TACC2: variants seen among roughly 807,000 people sequenced by gnomAD.
TACC2 encodes the protein transforming acidic coiled-coil-containing protein 2.
In TACC2, 137 loss-of-function variants were observed where a neutral mutation model predicts 227.3. The observed-to-expected ratio is 0.60, with a 90% CI of 0.52 to 0.69. The LOEUF (loss-of-function observed/expected upper bound fraction) is 0.69. TACC2 is among the 30% of genes least tolerant of loss of function. The pLI, the probability that TACC2 is intolerant of heterozygous loss-of-function variation, is 0.00. For synonymous variants in TACC2, 1,523 were observed against 1,487.5 expected, an observed-to-expected ratio of 1.02 and a Z score of -0.55; for missense variants, 3,470 against 3,694.4, an observed-to-expected ratio of 0.94 and a Z score of 1.57.
intron 5 of TACC2, among the ~76,000 whole-genome samples, chr10:122,128,147 G>T (rs1483966744): frequency 6.6e-6 from 1 of 152,098 alleles, no homozygotes; most frequent in Non-Finnish European, 1.5e-5. Flanking sequence ...TGATCAAGTA[G>T]TCTGGCGCTT....
At chr10:122,168,595 T>C (rs1216782386) in intron 7 of TACC2, among the ~76,000 whole-genome samples, 1 of 152,160 alleles carries the variant, frequency 6.6e-6, no homozygotes, top group African/African-American at 2.4e-5. Context: ...TCCAGGTAGC[T>C]ACCAATCATC....
intron 5 of TACC2, among the ~76,000 whole-genome samples, chr10:122,117,226 C>T (rs1017853177): frequency 2.1e-5 from 3 of 144,582 alleles, no homozygotes; most frequent in Non-Finnish European, 3.0e-5. Context: ...GACAGAGTCT[C>T]GCTCTGTCAC....
intron 5 of TACC2, among the ~76,000 whole-genome samples, chr10:122,093,100 T>C (rs5788536): frequency 1.0e-3 from 142 of 136,632 alleles, no homozygotes; most frequent in African/African-American, 2.9e-3. Context: ...TCTCTCTCTT[T>C]TTTTTTTTTT....
In TACC2 at chr10:122,008,876, C is replaced by T. The variant is rs527442110; in HGVS notation, c.-45-13061C>T. Among the ~76,000 whole-genome samples the T allele has an allele frequency of 2.0e-5, 3 of 152,300 alleles. No individual in the cohort carries two copies. The South Asian group carries it at 6.2e-4, about 32-fold the overall frequency. ...GCATGAGCCACCATGCCCAGCCGTACATATCCCTTTAAATTCCATGTGCTT... is the reference window on the plus strand; with the variant it reads ...GCATGAGCCACCATGCCCAGCCGTATATATCCCTTTAAATTCCATGTGCTT... On this transcript the variant is annotated intron_variant, in intron 1 of 22. Transcript: ENST00000369005.
chr10:122,034,668 A>C lies in TACC2; in HGVS notation c.33+12654A>C, dbSNP rs535974363. Among the ~76,000 whole-genome samples the C allele has an allele frequency of 4.4e-4, 67 of 152,306 alleles. 1 individual carries two copies. The South Asian group carries it at 0.014, about 31-fold the overall frequency. On this transcript the variant is annotated intron_variant, in intron 2 of 22. Coordinates refer to ENST00000369005, the MANE Select transcript of TACC2 (RefSeq NM_206862.4). ...GTTTTGGGGCCGGGCGCAGTGGCTC[A>C]CGCCTGTAATCTCAGCACTTTGGGA...
intron 1 of TACC2, among the ~76,000 whole-genome samples, chr10:122,006,355 A>C (rs915960623): frequency 6.6e-6 from 1 of 152,248 alleles, no homozygotes; most frequent in East Asian, 1.9e-4. Context: ...AGGCTGAGGC[A>C]GGAGAATGGT....
intron 5 of TACC2, among the ~76,000 whole-genome samples, chr10:122,095,680 G>A (rs897466696): frequency 2.6e-5 from 4 of 152,156 alleles, no homozygotes; most frequent in South Asian, 2.1e-4. Context: ...CGTTCAGAAC[G>A]CTGATCATTC....
chr10:122,014,241 G>C (rs201733609), intron 1 of TACC2, among the ~76,000 whole-genome samples: 1 of 78,062 alleles, frequency 1.3e-5, no homozygotes, highest in Non-Finnish European at 2.7e-5. Context: ...TTTTTTTTTT[G>C]AGTTTTGCTC....
In TACC2 at chr10:122,180,647, G is replaced by A. The variant is rs140731270; in HGVS notation, c.5835-14393G>A. Among the ~76,000 whole-genome samples the A allele has an allele frequency of 3.2e-4, 49 of 150,868 alleles. No individual in the cohort carries two copies. Among genetic ancestry groups the A allele is most frequent in the African/African-American group, 1.0e-3 (43 of 41,168 alleles). On this transcript the variant is annotated intron_variant, in intron 7 of 22. Coordinates refer to ENST00000369005, the MANE Select transcript of TACC2 (RefSeq NM_206862.4). The surrounding 1 kb of genome is among the most constrained non-coding windows in gnomAD (Gnocchi z 4.5). Reference sequence around the variant, plus strand: ...GCCACCGCACCCGGCCTCTTCCCTCGAGTTCTAATGACTGACTCTTTTTTC... The same window carrying A: ...GCCACCGCACCCGGCCTCTTCCCTCAAGTTCTAATGACTGACTCTTTTTTC...
At position 122,126,316 on chromosome 10, in the gene TACC2, C is replaced by CTGTGTG. The variant is rs3037067; in HGVS notation, c.5574-6267_5574-6262dup. On this transcript the variant is annotated intron_variant, in intron 5 of 22. Coordinates refer to ENST00000369005, the MANE Select transcript of TACC2 (RefSeq NM_206862.4). ...TTATTCCATGGGTTATAATCCAGAA[C>CTGTGTG]TGTGTGTGTGTGTGTGTGTGTGTGT... Among the ~76,000 whole-genome samples the CTGTGTG allele has an allele frequency of 7.8e-4, 111 of 142,132 alleles. 2 individuals carry two copies. Among genetic ancestry groups the CTGTGTG allele is most frequent in the South Asian group, 1.9e-3 (8 of 4,104 alleles). 93.2% of individuals were successfully genotyped at this position (142,132 alleles called of 152,430 possible).
chr10:122,175,693 ACTGT>A (rs2093663226), intron 7 of TACC2, among the ~76,000 whole-genome samples: 1 of 152,194 alleles, frequency 6.6e-6, no homozygotes. Context: ...TTTCCTGGAG[ACTGT>A]CTGAATTGTC....
At chr10:122,219,238 C>T (rs1267140159) in intron 11 of TACC2, among the ~76,000 whole-genome samples, 1 of 151,956 alleles carries the variant, frequency 6.6e-6, no homozygotes, top group African/African-American at 2.4e-5. Flanking sequence ...GCACTCCCCC[C>T]ACCTCATCCC....
intron 2 of TACC2, chr10:122,033,242 AT>A: frequency 1.2e-6 from 1 of 868,756 alleles, no homozygotes; most frequent in Non-Finnish European, 1.6e-6. Context: ...TGTCATGTGC[AT>A]TTATATATTT....
intron 8 of TACC2, among the ~76,000 whole-genome samples, chr10:122,204,280 A>G (rs994654325): frequency 6.6e-6 from 1 of 152,150 alleles, no homozygotes; most frequent in South Asian, 2.1e-4. Context: ...ATGCCTGCTT[A>G]TAAAGGATGA....
chr10:122,250,911 CTTTTTTTTTTT>C (rs56383359), intron 22 of TACC2, among the ~76,000 whole-genome samples: 9 of 47,508 alleles, frequency 1.9e-4, no homozygotes, highest in African/African-American at 6.3e-4. Context: ...TATTTTCATT[CTTTTTTTTTTT>C]TTTTTTTTTT....
At chr10:122,115,559 C>T (rs1338212035) in intron 5 of TACC2, among the ~76,000 whole-genome samples, 1 of 152,120 alleles carries the variant, frequency 6.6e-6, no homozygotes, top group East Asian at 1.9e-4. Context: ...TTGCCTCACC[C>T]CAATGCCAAT....
intron 1 of TACC2, among the ~76,000 whole-genome samples, chr10:122,016,062 A>G (rs900639975): frequency 1.3e-5 from 2 of 151,464 alleles, no homozygotes; most frequent in East Asian, 3.9e-4. Context: ...GGAATTGGAG[A>G]CCAGCCTGGG....
rs775214113 is a variant in TACC2 at position 122,205,758 on chromosome 10, C to T, written c.5972-4639C>T. 3.3e-5 allele frequency among the ~76,000 whole-genome samples: 5 copies of T among 152,126 alleles called. No individual in the cohort carries two copies. The highest frequency in any genetic ancestry group is 5.9e-5 in the Non-Finnish European group (4 of 68,020). On this transcript the variant is annotated intron_variant, in intron 8 of 22. Transcript: ENST00000369005. This position sits in a 1 kb window ranked among gnomAD's most constrained non-coding sequence, Gnocchi z 4.5. ...GAGTCTGGGGTTTTAATGAGTGTCTCAGGTGTGTCTTAGGCTAGACAAATT... is the reference window on the plus strand; with the variant it reads ...GAGTCTGGGGTTTTAATGAGTGTCTTAGGTGTGTCTTAGGCTAGACAAATT...
rs978249761 is a variant in TACC2, at chr10:122,087,159, G to C, written c.4659G>C (p.Arg1553Ser). 5 of 1,611,174 alleles carry C rather than the reference G, an allele frequency of 3.1e-6. No individual in the cohort carries two copies. The East Asian group carries it at 6.7e-5, about 22-fold the overall frequency. The change falls in exon 4 of 23, where the codon AGG becomes AGC. Residue 1553 changes from arginine (R) to serine (S), a missense_variant. Arg to Ser is a moderately radical substitution (Grantham distance 110). Around this residue, in one of 10 missense-constraint regions of TACC2, gnomAD observed 1,924 missense variants for 1,978.3 expected, o/e 0.97. Transcript: ENST00000369005. ...CTTACTCACAGCTGGAGAGGAGCAG[G>C]CAGGAATTAGCTTCAGGTCTTCCTT... is the stretch of plus-strand genomic sequence containing the variant. ...GQAYSQLERS[R>S]QELASGLPSP...
Sources: gnomAD v4.1 joint callset for allele counts (sites outside exome capture counted in the v4.1 genomes callset) on GRCh38, gnomAD v4.1.1 for gene constraint, gnomAD v4.1.1 regional missense constraint, Gnocchi (gnomAD v3.1) non-coding constraint, MANE v1.5 for transcripts, NCBI Gene and HGNC (gene_info 2026-07-23, HGNC 2026-07-21) for gene names.